ABL1: variants seen among roughly 807,000 people sequenced by gnomAD.
The protein encoded by ABL1 is ABL proto-oncogene 1, non-receptor tyrosine kinase.
A neutral mutation model predicts 94.7 loss-of-function variants in ABL1; 11 were observed. That is an observed-to-expected ratio of 0.12 (90% CI 0.07 to 0.19). The LOEUF is 0.19. Ranked by LOEUF, ABL1 falls within the 10% of genes least tolerant of loss-of-function variation. ABL1 has a pLI of 1.00. For missense variants in ABL1, 1,082 were observed against 1,489.4 expected, an observed-to-expected ratio of 0.73 and a Z score of 4.50; for synonymous variants, 656 against 622.4, an observed-to-expected ratio of 1.05 and a Z score of -0.80.
In ABL1 at chr9:130,885,751, C is replaced by T. The variant is rs1421873855; in HGVS notation, c.*68C>T. On this transcript the variant is annotated 3_prime_UTR_variant, in exon 11 of 11. Transcript: ENST00000318560. Reference sequence around the variant, plus strand: ...CAGCACATGCGGGCTCGCCCATACCCGTGACAGTGGCTGACAAGGGACTAG... The same window carrying T: ...CAGCACATGCGGGCTCGCCCATACCTGTGACAGTGGCTGACAAGGGACTAG... The T allele has an allele frequency of 5.2e-6, 8 of 1,528,756 alleles. No individual in the cohort carries two copies. The highest frequency in any genetic ancestry group is 1.4e-5 in the African/African-American group (1 of 72,660). 94.7% of individuals were successfully genotyped at this position (1,528,756 alleles called of 1,614,324 possible). A position where few individuals can be genotyped will look rare whatever the true frequency, so the allele number is the denominator to read the frequency against.
At chr9:130,855,413 AT>A (rs1055336568) in intron 3 of ABL1, among the ~76,000 whole-genome samples, 1 of 151,162 alleles carries the variant, frequency 6.6e-6, no homozygotes, top group Non-Finnish European at 1.5e-5. Flanking sequence ...TTTAAAAAAA[AT>A]ATTTTATAAT....
intron 1 of ABL1, among the ~76,000 whole-genome samples, chr9:130,753,070 C>G (rs548687578): frequency 6.6e-6 from 1 of 151,840 alleles, no homozygotes; most frequent in Admixed American, 6.6e-5. Flanking sequence ...TCCTGGCTAA[C>G]ACGGTGAAAC....
At chr9:130,866,011 C>T (rs1050406524) in intron 4 of ABL1, among the ~76,000 whole-genome samples, 2 of 152,150 alleles carry the variant, frequency 1.3e-5, no homozygotes, top group East Asian at 1.9e-4. Flanking sequence ...CATACTGGAA[C>T]ATTTCAGATT....
At chr9:130,713,420 C>A (rs1831396387) in exon 1 of ABL1, among the ~76,000 whole-genome samples, 2 of 152,322 alleles carry the variant, frequency 1.3e-5, no homozygotes, top group South Asian at 4.1e-4. Context: ...ACCCCGTTTT[C>A]TGAGGCGTGG....
chr9:130,758,361 T>C (rs191145688), intron 1 of ABL1, among the ~76,000 whole-genome samples: 2 of 152,026 alleles, frequency 1.3e-5, no homozygotes, highest in East Asian at 1.9e-4. Context: ...GGTTTCACCG[T>C]GTTGGCCAGG....
At chr9:130,724,113 TA>T (rs1041488416) in intron 1 of ABL1, among the ~76,000 whole-genome samples, 3 of 152,180 alleles carry the variant, frequency 2.0e-5, no homozygotes, top group African/African-American at 2.4e-5. Context: ...CGTGGCCTTT[TA>T]AAAAAATTTT....
chr9:130,749,967 A>G (rs527768313), intron 1 of ABL1, among the ~76,000 whole-genome samples: 1 of 151,736 alleles, frequency 6.6e-6, no homozygotes, highest in Non-Finnish European at 1.5e-5. Context: ...TGAGCCCAGG[A>G]GTTTGAGACC....
chr9:130,833,722 G>T (rs1381690000), upstream of ABL1, among the ~76,000 whole-genome samples: 1 of 152,164 alleles, frequency 6.6e-6, no homozygotes, highest in Non-Finnish European at 1.5e-5. Flanking sequence ...TGACATCCTG[G>T]CCGAGAACCC....
At chr9:130,871,403 G>C in intron 4 of ABL1, among the ~76,000 whole-genome samples, 1 of 152,168 alleles carries the variant, frequency 6.6e-6, no homozygotes, top group East Asian at 1.9e-4. Context: ...CCGGGCCCAT[G>C]CTCCTATCTT....
rs1039323225 is a variant in ABL1, at chr9:130,884,969, C to T, written c.2679C>T (p.Ser893=). ...ESPGRDKGKL[S]RLKPAPPPPP... is the part of the protein sequence containing the mutation. ...CAGGGAGGGACAAGGGGAAATTGTCCAGGCTCAAACCTGCCCCGCCGCCCC... is the reference window on the plus strand; with the variant it reads ...CAGGGAGGGACAAGGGGAAATTGTCTAGGCTCAAACCTGCCCCGCCGCCCC... Residue 893 remains serine (S), a synonymous_variant, in exon 11 of 11, where the codon TCC becomes TCT. Transcript: ENST00000318560. This position sits in a 1 kb window ranked among gnomAD's most constrained non-coding sequence, Gnocchi z 5.6. 1 of 1,610,922 alleles carries T rather than the reference C, an allele frequency of 6.2e-7. No homozygotes were observed. The highest frequency in any genetic ancestry group is 8.5e-7 in the Non-Finnish European group (1 of 1,179,424).
Position 130,884,320 on chromosome 9 carries a change from G to C in ABL1, c.2030G>C (p.Gly677Ala). The C allele has an allele frequency of 6.2e-7, 1 of 1,611,776 alleles. No individual in the cohort carries two copies. The highest frequency in any genetic ancestry group is 1.7e-4 in the Middle Eastern group (1 of 6,050). Reference sequence around the variant, plus strand: ...CCCAATGGAGCCCTCCGGGAGTCCGGGGGCTCAGGCTTCCGGTCTCCCCAC... The same window carrying C: ...CCCAATGGAGCCCTCCGGGAGTCCGCGGGCTCAGGCTTCCGGTCTCCCCAC... ...GVPNGALRES[G>A]GSGFRSPHLW... The change falls in exon 11 of 11, where the codon GGG becomes GCG. Residue 677 changes from glycine (G) to alanine (A), a missense_variant. Gly to Ala is a moderately conservative substitution (Grantham distance 60). Transcript: ENST00000318560. The surrounding 1 kb of genome is among the most constrained non-coding windows in gnomAD (Gnocchi z 5.6).
chr9:130,804,308 T>C (rs1224805934), intron 1 of ABL1, among the ~76,000 whole-genome samples: 1 of 88,556 alleles, frequency 1.1e-5, no homozygotes, highest in Non-Finnish European at 2.1e-5. Context: ...GGCAGTGAGC[T>C]CACACCAGTG....
chr9:130,861,624 C>T (rs974080894), intron 3 of ABL1, among the ~76,000 whole-genome samples: 2 of 152,018 alleles, frequency 1.3e-5, no homozygotes, highest in African/African-American at 4.8e-5. Flanking sequence ...CCCTTTTCTC[C>T]CTCTCGTCCC....
intron 1 of ABL1, among the ~76,000 whole-genome samples, chr9:130,808,243 TC>T (rs1200980598): frequency 0.073 from 8,989 of 123,852 alleles, 338 homozygotes; most frequent in African/African-American, 0.11. Flanking sequence ...TTCTTCTTCT[TC>T]TTCTTTTTTT....
At chr9:130,840,411 G>T (rs999032090) in intron 1 of ABL1, among the ~76,000 whole-genome samples, 5 of 152,132 alleles carry the variant, frequency 3.3e-5, no homozygotes, top group African/African-American at 7.2e-5. Flanking sequence ...AGCCTCAAAC[G>T]TGAAAACTGA....
At chr9:130,764,900 G>A (rs533666506) in intron 1 of ABL1, among the ~76,000 whole-genome samples, 1 of 151,592 alleles carries the variant, frequency 6.6e-6, no homozygotes, top group South Asian at 2.1e-4. Context: ...AGGTTGCAGT[G>A]AGCCAAGATT....
At chr9:130,801,842 G>T (rs1830059656) in intron 1 of ABL1, among the ~76,000 whole-genome samples, 1 of 151,948 alleles carries the variant, frequency 6.6e-6, no homozygotes, top group South Asian at 2.1e-4. Context: ...TTTAAGATTT[G>T]CTCTTTATCT....
rs958041074 is a variant in ABL1, at chr9:130,814,038, G to A, written c.137-40026G>A. Among the ~76,000 whole-genome samples the A allele has an allele frequency of 6.6e-6, 1 of 152,174 alleles. No homozygotes were observed. The highest frequency in any genetic ancestry group is 2.4e-5 in the African/African-American group (1 of 41,454). ...AGGGAGGCCCATGCCTGTAATCCCA[G>A]CACTTTGGGAGGCTGAGGCGGGCAG... On this transcript the variant is annotated intron_variant, in intron 1 of 10. Coordinates refer to the ABL1 transcript ENST00000372348. The surrounding 1 kb of genome is among the most constrained non-coding windows in gnomAD (Gnocchi z 4.4).
intron 1 of ABL1, among the ~76,000 whole-genome samples, chr9:130,794,865 A>G (rs1009534900): frequency 3.9e-5 from 6 of 152,336 alleles, no homozygotes; most frequent in Admixed American, 1.3e-4. Context: ...TAGACATGAC[A>G]AAAGTGTGCA....
Sources: allele counts gnomAD v4.1 joint callset (sites outside exome capture counted in the v4.1 genomes callset), GRCh38; gene constraint gnomAD v4.1.1; non-coding constraint Gnocchi (gnomAD v3.1); transcripts MANE v1.5; gene names NCBI Gene and HGNC (gene_info 2026-07-23, HGNC 2026-07-21).